The following ROBO2 variants were observed in gnomAD, a reference collection of about 807,000 sequenced individuals.
ROBO2 encodes the protein roundabout homolog 2.
Under a neutral mutation model 160.8 loss-of-function variants are expected in ROBO2, and 53 were observed. The ratio of observed to expected loss-of-function variants is 0.33; its 90% CI spans 0.26 to 0.41. ROBO2 has a LOEUF of 0.41. ROBO2 is among the 10% of genes least tolerant of loss of function. ROBO2 has a pLI of 1.00. For synonymous variants in ROBO2, 664 were observed against 611.7 expected, an observed-to-expected ratio of 1.09 and a Z score of -1.26; for missense variants, 1,577 against 1,722.4, an observed-to-expected ratio of 0.92 and a Z score of 1.49.
At chr3:77,532,733 T>A (rs1478339318) in intron 6 of ROBO2, among the ~76,000 whole-genome samples, 1 of 151,816 alleles carries the variant, frequency 6.6e-6, no homozygotes, top group Non-Finnish European at 1.5e-5. Context: ...TTTTTTGTTT[T>A]TTGTTATTTT....
intron 2 of ROBO2, among the ~76,000 whole-genome samples, chr3:77,424,238 A>C (rs1160783313): frequency 6.6e-6 from 1 of 152,198 alleles, no homozygotes; most frequent in Non-Finnish European, 1.5e-5. Flanking sequence ...ATTTAAAATG[A>C]ATTTTAAAGG....
chr3:77,321,565 T>A (rs535749973), intron 2 of ROBO2, among the ~76,000 whole-genome samples: 1 of 151,394 alleles, frequency 6.6e-6, no homozygotes, highest in African/African-American at 2.4e-5. Flanking sequence ...ACTGGAAAAA[T>A]TTTAGAGAGA....
intron 20 of ROBO2, among the ~76,000 whole-genome samples, chr3:77,603,469 G>A (rs2094469522): frequency 1.3e-5 from 2 of 151,890 alleles, no homozygotes; most frequent in South Asian, 2.1e-4. Context: ...CCTATTTTTG[G>A]ACAAGATTTC....
chr3:76,241,148 C>T (rs544405526), intron 2 of ROBO2, among the ~76,000 whole-genome samples: 30 of 152,216 alleles, frequency 2.0e-4, no homozygotes, highest in African/African-American at 5.8e-4. Context: ...GTGATAAAAG[C>T]GTATTTCTAT....
intron 2 of ROBO2, among the ~76,000 whole-genome samples, chr3:77,476,368 ATGTG>A (rs60219148): frequency 0.015 from 2,156 of 144,186 alleles, 33 homozygotes; most frequent in African/African-American, 0.045. Flanking sequence ...GTCTGTGGGT[ATGTG>A]TGTGTGTGTG....
chr3:76,391,832 G>A (rs907591158), intron 2 of ROBO2, among the ~76,000 whole-genome samples: 27 of 152,248 alleles, frequency 1.8e-4, no homozygotes, highest in Non-Finnish European at 3.7e-4. Flanking sequence ...TCTATTTTAA[G>A]AGAAGTGTTT....
chr3:76,190,283 G>T (rs1042726386), intron 2 of ROBO2, among the ~76,000 whole-genome samples: 17 of 152,000 alleles, frequency 1.1e-4, no homozygotes, highest in Admixed American at 3.9e-4. Context: ...CTTGTTTCTG[G>T]TGTCCCTCCC....
At chr3:76,154,195 GCTTC>G (rs2106869336) in intron 2 of ROBO2, among the ~76,000 whole-genome samples, 1 of 152,228 alleles carries the variant, frequency 6.6e-6, no homozygotes, top group East Asian at 1.9e-4. Context: ...AGTAGCAGCA[GCTTC>G]CTCAGAAAAA....
intron 2 of ROBO2, among the ~76,000 whole-genome samples, chr3:77,428,758 T>G (rs1308575630): frequency 6.6e-6 from 1 of 152,230 alleles, no homozygotes; most frequent in Non-Finnish European, 1.5e-5. Flanking sequence ...TTGGCAAAGT[T>G]GTATAATAAG....
At chr3:75,986,549 C>A (rs1325631233) in intron 2 of ROBO2, among the ~76,000 whole-genome samples, 1 of 151,344 alleles carries the variant, frequency 6.6e-6, no homozygotes, top group African/African-American at 2.4e-5. Context: ...AAAAGTTTAT[C>A]AAGTACAGTT....
Position 76,588,191 on chromosome 3 carries a change from C to T in ROBO2, c.110-509823C>T, listed in dbSNP as rs116806070. Among the ~76,000 whole-genome samples the T allele has an allele frequency of 3.2e-3, 485 of 152,236 alleles. 3 individuals carry two copies. The highest frequency in any genetic ancestry group is 0.017 in the Middle Eastern group (5 of 294). On this transcript the variant is annotated intron_variant, in intron 2 of 26. Coordinates refer to the ROBO2 transcript ENST00000487694. The stretch of plus-strand genomic sequence containing the variant: ...CTATTAACTTTCAATCTGTGTCACT[C>T]ATTTGGAAACTTAACTATATATGAG...
chr3:77,130,324 C>T (rs2075738327), intron 2 of ROBO2, among the ~76,000 whole-genome samples: 1 of 152,186 alleles, frequency 6.6e-6, no homozygotes, highest in Admixed American at 6.5e-5. Context: ...TGAATTGTCT[C>T]TGCTTCTTTA....
chr3:77,493,998 A>C lies in ROBO2; in HGVS notation c.806+616A>C, dbSNP rs559223004. On this transcript the variant is annotated intron_variant, in intron 5 of 25. Transcript: ENST00000461745. The stretch of plus-strand genomic sequence containing the variant: ...TTCTTATCACAAAACCCCCAAACCC[A>C]ATCTCTCAAACTCTAACCTGTATTC... Among the ~76,000 whole-genome samples the C allele has an allele frequency of 4.5e-4, 68 of 152,212 alleles. 2 individuals carry two copies. The South Asian group carries it at 0.014, about 31-fold the overall frequency.
chr3:77,006,317 G>GTGTGTGTGTC (rs2061578276), intron 2 of ROBO2, among the ~76,000 whole-genome samples: 1 of 151,206 alleles, frequency 6.6e-6, no homozygotes, highest in Non-Finnish European at 1.5e-5. Flanking sequence ...GTGTGTGTGT[G>GTGTGTGTGTC]TGTGTGTGTG....
intron 2 of ROBO2, among the ~76,000 whole-genome samples, chr3:75,987,878 G>A (rs149295624): frequency 9.2e-5 from 14 of 152,058 alleles, no homozygotes; most frequent in African/African-American, 3.4e-4. Flanking sequence ...TAGATTCCAG[G>A]AATAAATCCC....
At chr3:77,631,252 G>T (rs1465677288) in intron 23 of ROBO2, 1 of 151,986 alleles carries the variant, frequency 6.6e-6, no homozygotes, top group Non-Finnish European at 1.5e-5. Context: ...TTCAGCTTCT[G>T]TTTTCTCTGT....
At chr3:77,075,418 A>T (rs2067865816) in intron 1 of ROBO2, among the ~76,000 whole-genome samples, 1 of 152,084 alleles carries the variant, frequency 6.6e-6, no homozygotes, top group African/African-American at 2.4e-5. Context: ...ACCTGTTGAG[A>T]TTATTTGAGA....
At chr3:76,544,449 T>A (rs1042455519) in intron 2 of ROBO2, among the ~76,000 whole-genome samples, 11 of 152,084 alleles carry the variant, frequency 7.2e-5, no homozygotes, top group Non-Finnish European at 1.3e-4. Flanking sequence ...TATAGTATTA[T>A]CTAAGTTTAA....
intron 2 of ROBO2, among the ~76,000 whole-genome samples, chr3:77,370,363 ATC>A (rs1305261923): frequency 1.3e-5 from 2 of 152,212 alleles, no homozygotes; most frequent in Non-Finnish European, 2.9e-5. Flanking sequence ...GAACCTGATC[ATC>A]TCTCAGTATA....
Sources: allele counts gnomAD v4.1 joint callset (sites outside exome capture counted in the v4.1 genomes callset), GRCh38; gene constraint gnomAD v4.1.1; transcripts MANE v1.5; gene names NCBI Gene and HGNC (gene_info 2026-07-23, HGNC 2026-07-21).